DYNC1I1: variants seen among roughly 807,000 people sequenced by gnomAD.
The protein encoded by DYNC1I1 is dynein cytoplasmic 1 intermediate chain 1.
A neutral mutation model predicts 86.6 loss-of-function variants in DYNC1I1; 43 were observed. The observed-to-expected ratio is 0.50, with a 90% CI of 0.39 to 0.64. The LOEUF (loss-of-function observed/expected upper bound fraction) is 0.64. DYNC1I1 is among the 30% of genes least tolerant of loss of function. DYNC1I1 has a pLI of 0.00. For synonymous variants in DYNC1I1, 262 were observed against 283.7 expected, an observed-to-expected ratio of 0.92 and a Z score of 0.77; for missense variants, 604 against 788.8, an observed-to-expected ratio of 0.77 and a Z score of 2.81.
chr7:95,930,762 AC>A (rs1791870989), intron 6 of DYNC1I1, among the ~76,000 whole-genome samples: 1 of 152,188 alleles, frequency 6.6e-6, no homozygotes. Flanking sequence ...TAAAGTCCTC[AC>A]TACCTTGCAA....
intron 5 of DYNC1I1, among the ~76,000 whole-genome samples, chr7:95,855,589 C>G (rs1789697451): frequency 6.6e-6 from 1 of 152,174 alleles, no homozygotes; most frequent in South Asian, 2.1e-4. Context: ...GGGAAAACAT[C>G]ATAGAATGTA....
intron 6 of DYNC1I1, among the ~76,000 whole-genome samples, chr7:95,919,528 G>A (rs190390304): frequency 6.6e-4 from 101 of 152,264 alleles, no homozygotes; most frequent in Non-Finnish European, 1.1e-3. Flanking sequence ...AAGAGAAAAA[G>A]TTATGACATC....
At chr7:95,846,292 A>G (rs1438149930) in intron 5 of DYNC1I1, among the ~76,000 whole-genome samples, 2 of 152,156 alleles carry the variant, frequency 1.3e-5, no homozygotes, top group East Asian at 3.9e-4. Context: ...TTCTATTATA[A>G]TCATGACTAT....
In DYNC1I1 at chr7:95,811,008, T is replaced by G. The variant is rs112666804; in HGVS notation, c.223+502T>G. On this transcript the variant is annotated intron_variant, in intron 3 of 16. Transcript: ENST00000447467. ...AAATGGTGGCAGATTAGCAGCCGAT[T>G]AACAAGTTTAAATTAATTTGACTTT... Among the ~76,000 whole-genome samples the G allele has an allele frequency of 4.5e-3, 691 of 152,278 alleles. 2 individuals are homozygous for G. Among genetic ancestry groups the G allele is most frequent in the Non-Finnish European group, 7.3e-3 (495 of 68,000 alleles).
chr7:95,957,440 C>T (rs1218965180), intron 6 of DYNC1I1, among the ~76,000 whole-genome samples: 1 of 151,788 alleles, frequency 6.6e-6, no homozygotes, highest in Non-Finnish European at 1.5e-5. Flanking sequence ...AGATCTTTAT[C>T]CCCTCCTCCT....
chr7:95,887,553 T>C (rs769182816), intron 6 of DYNC1I1, among the ~76,000 whole-genome samples: 1 of 152,186 alleles, frequency 6.6e-6, no homozygotes, highest in African/African-American at 2.4e-5. Flanking sequence ...ACCCCTCTTA[T>C]AGCATTTATA....
intron 1 of DYNC1I1, among the ~76,000 whole-genome samples, chr7:95,789,841 A>G (rs1271283586): frequency 6.6e-6 from 1 of 152,232 alleles, no homozygotes; most frequent in Non-Finnish European, 1.5e-5. Flanking sequence ...CAAAAGTTTA[A>G]CTGCAAGTAA....
chr7:95,986,409 G>A (rs1793595931), intron 8 of DYNC1I1, among the ~76,000 whole-genome samples: 1 of 152,084 alleles, frequency 6.6e-6, no homozygotes, highest in Non-Finnish European at 1.5e-5. Flanking sequence ...AGGTGTTATG[G>A]CCAGTTGAGT....
At chr7:95,886,103 A>G (rs1295823543) in intron 6 of DYNC1I1, among the ~76,000 whole-genome samples, 1 of 152,172 alleles carries the variant, frequency 6.6e-6, no homozygotes, top group African/African-American at 2.4e-5. Context: ...CTTCACTTCT[A>G]TGCTAAACAA....
At chr7:95,996,809 G>A (rs1005255902) in intron 10 of DYNC1I1, among the ~76,000 whole-genome samples, 1 of 152,094 alleles carries the variant, frequency 6.6e-6, no homozygotes, top group Non-Finnish European at 1.5e-5. Flanking sequence ...CTGTGATTAT[G>A]CACAGGCAAA....
intron 5 of DYNC1I1, among the ~76,000 whole-genome samples, chr7:95,843,922 A>G (rs1789357714): frequency 6.6e-6 from 1 of 152,246 alleles, no homozygotes; most frequent in Non-Finnish European, 1.5e-5. Flanking sequence ...GAAAGAACTA[A>G]TATAGCTTGG....
intron 6 of DYNC1I1, 33 bp downstream of exon 6, chr7:95,870,031 A>G: frequency 7.7e-6 from 12 of 1,563,396 alleles, no homozygotes; most frequent in Non-Finnish European, 1.0e-5. Context: ...TTTCCATATT[A>G]TCTCTGGAGA....
intron 12 of DYNC1I1, among the ~76,000 whole-genome samples, chr7:96,034,637 T>C (rs1319318854): frequency 1.3e-5 from 2 of 152,206 alleles, no homozygotes; most frequent in Non-Finnish European, 2.9e-5. Flanking sequence ...CTGTATGACA[T>C]AGTCACAGCA....
At chr7:95,907,817 A>G (rs1281922095) in intron 6 of DYNC1I1, among the ~76,000 whole-genome samples, 1 of 151,478 alleles carries the variant, frequency 6.6e-6, no homozygotes, top group African/African-American at 2.4e-5. Flanking sequence ...TATATTCAAC[A>G]TTCAATAAAT....
intron 4 of DYNC1I1, among the ~76,000 whole-genome samples, chr7:95,827,237 T>TA (rs1795220538): frequency 6.6e-6 from 1 of 152,158 alleles, no homozygotes; most frequent in African/African-American, 2.4e-5. Context: ...TGCTGTCCAT[T>TA]AGTTGCCTCT....
chr7:95,951,233 G>C (rs1792544126), intron 6 of DYNC1I1, among the ~76,000 whole-genome samples: 1 of 152,128 alleles, frequency 6.6e-6, no homozygotes, highest in African/African-American at 2.4e-5. Flanking sequence ...CCCCAAATCT[G>C]TGGTGAAGAA....
intron 11 of DYNC1I1, among the ~76,000 whole-genome samples, chr7:96,030,516 G>A (rs1037044608): frequency 7.2e-5 from 11 of 152,052 alleles, no homozygotes; most frequent in South Asian, 2.1e-4. Flanking sequence ...CACTTTCTCC[G>A]GGCACATGGC....
intron 10 of DYNC1I1, among the ~76,000 whole-genome samples, chr7:96,010,251 GC>G (rs1039825928): frequency 7.2e-5 from 11 of 152,140 alleles, no homozygotes; most frequent in Admixed American, 7.2e-4. Context: ...CACCCCAGCC[GC>G]CGCATTGTCA....
chr7:95,951,193 C>T lies in DYNC1I1; in HGVS notation c.491-26319C>T, dbSNP rs111428447. ...AGCAGTGTATTTGACATTTCTTCAGCGAGGCTCCAGCTCTCTTCCTTATGC... is the reference window on the plus strand; with the variant it reads ...AGCAGTGTATTTGACATTTCTTCAGTGAGGCTCCAGCTCTCTTCCTTATGC... On this transcript the variant is annotated intron_variant, in intron 6 of 16. Transcript: ENST00000447467. 7.4e-3 allele frequency among the ~76,000 whole-genome samples: 1,129 copies of T among 152,252 alleles called. 12 individuals carry two copies. The highest frequency in any genetic ancestry group is 0.026 in the African/African-American group (1,078 of 41,554).
Sources: gnomAD v4.1 joint callset for allele counts (sites outside exome capture counted in the v4.1 genomes callset) on GRCh38, gnomAD v4.1.1 for gene constraint, MANE v1.5 for transcripts, NCBI Gene and HGNC (gene_info 2026-07-23, HGNC 2026-07-21) for gene names.